ZDHHC14: variants seen among roughly 807,000 people sequenced by gnomAD.
ZDHHC14 encodes the protein palmitoyltransferase ZDHHC14.
A neutral mutation model predicts 47.7 loss-of-function variants in ZDHHC14; 16 were observed. That is an observed-to-expected ratio of 0.34 (90% CI 0.23 to 0.51). The LOEUF (loss-of-function observed/expected upper bound fraction) is 0.51, where lower values mean the gene tolerates loss of function less well. ZDHHC14 is among the 20% of genes least tolerant of loss of function. The pLI, the probability that ZDHHC14 is intolerant of heterozygous loss-of-function variation, is 0.97. For synonymous variants in ZDHHC14, 293 were observed against 278.9 expected (o/e 1.05, Z -0.50); for missense variants, 515 against 662.5 (o/e 0.78, Z 2.44).
chr6:157,444,988 G>A (rs961616351), intron 1 of ZDHHC14, among the ~76,000 whole-genome samples: 1 of 152,068 alleles, frequency 6.6e-6, no homozygotes, highest in South Asian at 2.1e-4. Flanking sequence ...ATCCCAGTGT[G>A]AGGAGGCCAG....
chr6:157,430,067 A>C (rs542875143), intron 1 of ZDHHC14, among the ~76,000 whole-genome samples: 2 of 152,298 alleles, frequency 1.3e-5, no homozygotes, highest in East Asian at 3.9e-4. Context: ...GCACACATTT[A>C]TCACTTTGGG....
Position 157,551,263 on chromosome 6 carries a change from G to A in ZDHHC14, c.406+8518G>A, listed in dbSNP as rs989597201. Among the ~76,000 whole-genome samples, 5 of 152,114 alleles carry A rather than the reference G, an allele frequency of 3.3e-5. No homozygotes were observed. The South Asian group carries it at 1.0e-3, about 31-fold the overall frequency. ...GCCACTGCAGGGCTCTGAGTCATGG[G>A]ACATTCCAGCTTAAAGGGACCTCAG... is the stretch of plus-strand genomic sequence containing the variant. On this transcript the variant is annotated intron_variant, in intron 2 of 8. Coordinates refer to ENST00000359775, the MANE Select transcript of ZDHHC14 (RefSeq NM_024630.3).
chr6:157,454,965 T>G (rs1025295671), intron 1 of ZDHHC14, among the ~76,000 whole-genome samples: 1 of 152,194 alleles, frequency 6.6e-6, no homozygotes, highest in African/African-American at 2.4e-5. Context: ...ACAATGCTGT[T>G]GGTTACTCTG....
intron 1 of ZDHHC14, among the ~76,000 whole-genome samples, chr6:157,458,849 A>ATTTTTTTTGTTTTTTTTTTTTTTTTT (rs1778992327): frequency 2.5e-5 from 2 of 81,226 alleles, no homozygotes; most frequent in Non-Finnish European, 4.6e-5. Flanking sequence ...ATGTGGGTGG[A>ATTTTTTTTGTTTTTTTTTTTTTTTTT]TTTTTTTTTT....
At chr6:157,466,068 T>G (rs112530482) in intron 1 of ZDHHC14, among the ~76,000 whole-genome samples, 4,181 of 151,576 alleles carry the variant, frequency 0.028, 75 homozygotes, top group African/African-American at 0.045. Flanking sequence ...GAGAGAGAGA[T>G]ATGGGAAGAT....
chr6:157,535,447 A>C (rs940986216), intron 1 of ZDHHC14, among the ~76,000 whole-genome samples: 1 of 152,194 alleles, frequency 6.6e-6, no homozygotes, highest in African/African-American at 2.4e-5. Flanking sequence ...CGTGTGAAAA[A>C]GAGCTGTTGA....
chr6:157,588,122 T>C (rs1783764451), intron 2 of ZDHHC14, among the ~76,000 whole-genome samples: 1 of 151,942 alleles, frequency 6.6e-6, no homozygotes, highest in Non-Finnish European at 1.5e-5. Flanking sequence ...TAGCTGGGCG[T>C]GGTGGTGCAC....
chr6:157,560,424 A>T lies in ZDHHC14; in HGVS notation c.406+17679A>T, dbSNP rs9331345. 2.2e-3 allele frequency among the ~76,000 whole-genome samples: 339 copies of T among 152,386 alleles called. 1 individual carries two copies. Among genetic ancestry groups the T allele is most frequent in the African/African-American group, 7.6e-3 (315 of 41,594 alleles). On this transcript the variant is annotated intron_variant, in intron 2 of 8. Transcript: ENST00000359775. ...CGCCACGTTGTTAGAACGTCTTAAA[A>T]TATTGATATCAAAGATATCTAATGG...
At chr6:157,432,353 C>T (rs188365216) in intron 1 of ZDHHC14, among the ~76,000 whole-genome samples, 36 of 152,198 alleles carry the variant, frequency 2.4e-4, no homozygotes, top group Admixed American at 6.5e-4. Context: ...TTATTCATTC[C>T]TTTGTTAATA....
intron 2 of ZDHHC14, among the ~76,000 whole-genome samples, chr6:157,583,436 T>C (rs1161403079): frequency 6.6e-6 from 1 of 152,180 alleles, no homozygotes; most frequent in Admixed American, 6.5e-5. Context: ...AAGGTCTTTA[T>C]TTATAGTTAA....
intron 3 of ZDHHC14, among the ~76,000 whole-genome samples, chr6:157,603,729 C>T (rs1009499732): frequency 1.3e-5 from 2 of 152,186 alleles, no homozygotes; most frequent in African/African-American, 4.8e-5. Flanking sequence ...GGCGTTGGTT[C>T]AGGTTCAGGT....
At chr6:157,528,481 C>A (rs1264094187) in intron 1 of ZDHHC14, among the ~76,000 whole-genome samples, 5 of 150,880 alleles carry the variant, frequency 3.3e-5, no homozygotes, top group Admixed American at 2.7e-4. Flanking sequence ...CCTGTAATCC[C>A]AGCACTTTGG....
At chr6:157,420,742 G>T (rs563778657) in intron 1 of ZDHHC14, among the ~76,000 whole-genome samples, 1 of 152,192 alleles carries the variant, frequency 6.6e-6, no homozygotes, top group Non-Finnish European at 1.5e-5. Flanking sequence ...TAGTAGGAGC[G>T]AATGACTCAG....
intron 3 of ZDHHC14, among the ~76,000 whole-genome samples, 195 bp from the exon 4 acceptor site, chr6:157,628,154 G>C (rs543293079): frequency 6.6e-6 from 1 of 150,932 alleles, no homozygotes; most frequent in South Asian, 2.1e-4. Context: ...GCTACGTTCT[G>C]TTGAAAGAAT....
intron 1 of ZDHHC14, among the ~76,000 whole-genome samples, chr6:157,459,854 C>A (rs925073414): frequency 6.6e-6 from 1 of 152,034 alleles, no homozygotes; most frequent in Non-Finnish European, 1.5e-5. Context: ...ACAGGAGGAT[C>A]ACTTGAGGCC....
intron 1 of ZDHHC14, 63 bp from the exon 2 acceptor site, chr6:157,542,522 G>A: frequency 6.4e-7 from 1 of 1,558,384 alleles, no homozygotes; most frequent in Non-Finnish European, 8.7e-7. Flanking sequence ...GCTTACTGTT[G>A]ATTCCTAACA....
chr6:157,649,791 A>G (rs531651689), intron 7 of ZDHHC14, among the ~76,000 whole-genome samples: 1 of 152,352 alleles, frequency 6.6e-6, no homozygotes, highest in African/African-American at 2.4e-5. Flanking sequence ...TGGAGGAAGG[A>G]GTCCTCATAT....
At chr6:157,492,408 A>C (rs78680128) in intron 1 of ZDHHC14, among the ~76,000 whole-genome samples, 14,955 of 152,006 alleles carry the variant, frequency 0.098, 1,359 homozygotes, top group African/African-American at 0.22. Context: ...CCACCACCGG[A>C]AATCAGGAAA....
chr6:157,673,024 CT>C lies in ZDHHC14; in HGVS notation c.1370del (p.Leu457ArgfsTer27). ...PPRLLAAGSP[L>X]AHSRTMHVLG... is the part of the protein sequence containing the mutation. The stretch of plus-strand genomic sequence containing the variant: ...CAGGCTACTGGCGGCGGGCAGCCCC[CT>C]GGCGCACAGCCGCACCATGCACGTG... On this transcript the variant is annotated frameshift_variant, in exon 9 of 9. Coordinates refer to ENST00000359775, the MANE Select transcript of ZDHHC14 (RefSeq NM_024630.3). LOFTEE classifies it high-confidence loss of function. The surrounding 1 kb of genome is among the most constrained non-coding windows in gnomAD (Gnocchi z 5.4). The C allele has an allele frequency of 6.4e-7, 1 of 1,567,126 alleles. No homozygotes were observed. Among genetic ancestry groups the C allele is most frequent in the East Asian group, 2.4e-5 (1 of 42,416 alleles).
Sources: allele counts gnomAD v4.1 joint callset (sites outside exome capture counted in the v4.1 genomes callset), GRCh38; gene constraint gnomAD v4.1.1; non-coding constraint Gnocchi (gnomAD v3.1); transcripts MANE v1.5; gene names NCBI Gene and HGNC (gene_info 2026-07-23, HGNC 2026-07-21).